LGSN: variants seen among roughly 807,000 people sequenced by gnomAD.
LGSN encodes lengsin, lens protein with glutamine synthetase domain.
In LGSN, 21 loss-of-function variants were observed where a neutral mutation model predicts 19.5. The observed-to-expected ratio is 1.07, with a 90% CI of 0.76 to 1.55. LGSN has a LOEUF of 1.55. LGSN is among the 40% of genes most tolerant of loss of function. The pLI is 0.00. For synonymous variants in LGSN, 257 were observed against 215.6 expected (o/e 1.19, Z -1.68); for missense variants, 673 against 608.5 (o/e 1.11, Z -1.12).
At chr6:63,564,207 C>T in the LGSN span, among the ~76,000 whole-genome samples, 1,531 of 150,380 alleles carry the variant, frequency 0.01, 11 homozygotes, top group Non-Finnish European at 0.016. Context: ...ACCCGGGAGA[C>T]GGAGGTTGCA....
chr6:63,515,412 G>A, the LGSN span, among the ~76,000 whole-genome samples: 1 of 151,860 alleles, frequency 6.6e-6, no homozygotes, highest in Admixed American at 6.6e-5. Flanking sequence ...TGTATTTTTA[G>A]TAGGGATGGG....
At chr6:63,542,022 G>GGTGTGT in the LGSN span, among the ~76,000 whole-genome samples, 4,615 of 146,774 alleles carry the variant, frequency 0.031, 148 homozygotes, top group East Asian at 0.14. Flanking sequence ...AAGAAACTGT[G>GGTGTGT]GTGTGTGTGT....
chr6:63,508,702 A>G, the LGSN span, among the ~76,000 whole-genome samples: 1 of 152,070 alleles, frequency 6.6e-6, no homozygotes, highest in Non-Finnish European at 1.5e-5. Flanking sequence ...GGATCATGTG[A>G]GGTCAGGAGT....
chr6:63,495,954 T>C, the LGSN span, among the ~76,000 whole-genome samples: 2 of 151,312 alleles, frequency 1.3e-5, no homozygotes, highest in Admixed American at 1.3e-4. Flanking sequence ...AAAGACAGAG[T>C]CTCACTCTAT....
At chr6:63,300,645 G>A (rs1004201450) in intron 1 of LGSN, among the ~76,000 whole-genome samples, 17 of 152,084 alleles carry the variant, frequency 1.1e-4, no homozygotes, top group Non-Finnish European at 2.5e-4. Flanking sequence ...CAATCTGGGT[G>A]ACAAAGCAAG....
the LGSN span, among the ~76,000 whole-genome samples, chr6:63,565,336 T>C: frequency 6.6e-5 from 10 of 152,222 alleles, no homozygotes; most frequent in East Asian, 1.9e-3. Flanking sequence ...GGAGACTACC[T>C]AGACAACTTT....
chr6:63,370,792 A>G, the LGSN span, among the ~76,000 whole-genome samples: 2 of 152,242 alleles, frequency 1.3e-5, no homozygotes, highest in Admixed American at 1.3e-4. Context: ...AAGTAGCCCC[A>G]TGCCAAGAAA....
At chr6:63,385,599 ACTCTTGG>A in the LGSN span, among the ~76,000 whole-genome samples, 3 of 151,628 alleles carry the variant, frequency 2.0e-5, no homozygotes, top group Non-Finnish European at 4.4e-5. Flanking sequence ...CCAACTCTAT[ACTCTTGG>A]CTCTTAAGTT....
the LGSN span, among the ~76,000 whole-genome samples, chr6:63,343,112 A>C: frequency 6.6e-6 from 1 of 152,234 alleles, no homozygotes; most frequent in Non-Finnish European, 1.5e-5. Context: ...TTGCCTATTC[A>C]TATGAGTTAT....
chr6:63,413,652 C>T, the LGSN span, among the ~76,000 whole-genome samples: 2 of 152,144 alleles, frequency 1.3e-5, no homozygotes, highest in African/African-American at 4.8e-5. Context: ...TGTCATTTTC[C>T]ACCCACTATA....
the LGSN span, among the ~76,000 whole-genome samples, chr6:63,506,767 A>C: frequency 6.6e-6 from 1 of 152,228 alleles, no homozygotes; most frequent in Non-Finnish European, 1.5e-5. Context: ...GGTCATAAAA[A>C]CAGCTTGAGC....
At chr6:63,573,578 T>G in the LGSN span, 1 of 152,222 alleles carries the variant, frequency 6.6e-6, no homozygotes, top group Admixed American at 6.5e-5. Flanking sequence ...TTCCGCGAGC[T>G]GCACCCCTGC....
chr6:63,408,070 G>A, the LGSN span, among the ~76,000 whole-genome samples: 2 of 152,152 alleles, frequency 1.3e-5, no homozygotes, highest in Admixed American at 6.5e-5. Flanking sequence ...CTCATGGGTA[G>A]GAAGAATCAA....
At chr6:63,390,943 C>T in the LGSN span, among the ~76,000 whole-genome samples, 182 of 151,764 alleles carry the variant, frequency 1.2e-3, no homozygotes, top group African/African-American at 4.2e-3. Flanking sequence ...TCTCCATTCA[C>T]TTTCAATTAT....
chr6:63,430,965 T>C, the LGSN span, among the ~76,000 whole-genome samples: 1 of 152,190 alleles, frequency 6.6e-6, no homozygotes, highest in African/African-American at 2.4e-5. Context: ...AATGATCATG[T>C]ATTATTCATT....
At chr6:63,523,477 C>T in the LGSN span, among the ~76,000 whole-genome samples, 1 of 151,992 alleles carries the variant, frequency 6.6e-6, no homozygotes, top group African/African-American at 2.4e-5. Flanking sequence ...TGCCACTGCA[C>T]TCTAGCCTGG....
chr6:63,354,271 A>G, the LGSN span, among the ~76,000 whole-genome samples: 1 of 152,154 alleles, frequency 6.6e-6, no homozygotes, highest in Non-Finnish European at 1.5e-5. Context: ...TATCCAAAAT[A>G]CATAAGGAAC....
chr6:63,353,077 A>G, the LGSN span, among the ~76,000 whole-genome samples: 1 of 152,200 alleles, frequency 6.6e-6, no homozygotes, highest in African/African-American at 2.4e-5. Flanking sequence ...TTAGGAAATA[A>G]TTGGAAAAGT....
At chr6:63,564,008 C>A in the LGSN span, among the ~76,000 whole-genome samples, 2 of 152,214 alleles carry the variant, frequency 1.3e-5, no homozygotes, top group Non-Finnish European at 2.9e-5. Context: ...TTAATGGTGG[C>A]TCACGCCTGT....
Sources: allele counts gnomAD v4.1 joint callset (sites outside exome capture counted in the v4.1 genomes callset), GRCh38; gene constraint gnomAD v4.1.1; transcripts MANE v1.5; gene names NCBI Gene and HGNC (gene_info 2026-07-23, HGNC 2026-07-21).